AKR1B15: variants seen among roughly 807,000 people sequenced by gnomAD.
AKR1B15 encodes the protein estradiol 17-beta-dehydrogenase AKR1B15.
Under a neutral mutation model 38.5 loss-of-function variants are expected in AKR1B15, and 49 were observed. The observed-to-expected ratio is 1.27, with a 90% CI of 1.01 to 1.62. AKR1B15 has a LOEUF of 1.62. Ranked by LOEUF, AKR1B15 falls within the 40% of genes most tolerant of loss-of-function variation. The pLI is 0.00. For synonymous variants in AKR1B15, 137 were observed against 135.5 expected (o/e 1.01, Z -0.08); for missense variants, 411 against 381.6 (o/e 1.08, Z -0.64).
intron 1 of AKR1B15, among the ~76,000 whole-genome samples, chr7:134,550,878 C>T (rs113966893): frequency 8.5e-4 from 130 of 152,262 alleles, no homozygotes; most frequent in Non-Finnish European, 1.5e-3. Flanking sequence ...GGCCCCCAGA[C>T]GGGTCACTAC....
chr7:134,569,081 G>A (rs946901477), intron 4 of AKR1B15, among the ~76,000 whole-genome samples: 18 of 152,266 alleles, frequency 1.2e-4, no homozygotes, highest in East Asian at 5.8e-4. Flanking sequence ...AAAGCTACAC[G>A]CAATTCCTGC....
intron 11 of AKR1B15, 126 bp downstream of exon 11, chr7:134,577,912 T>G (rs1422830039): frequency 8.9e-7 from 1 of 1,123,718 alleles, no homozygotes; most frequent in Non-Finnish European, 1.3e-6. Flanking sequence ...GGGGCAGTTT[T>G]GAAAGTTAAA....
intron 4 of AKR1B15, among the ~76,000 whole-genome samples, chr7:134,568,917 G>C (rs1409134033): frequency 3.3e-5 from 5 of 151,854 alleles, no homozygotes; most frequent in Non-Finnish European, 7.4e-5. Flanking sequence ...CTTACATCTG[G>C]TGGGACAAAT....
intron 4 of AKR1B15, among the ~76,000 whole-genome samples, chr7:134,569,180 CTT>C (rs1794610234): frequency 6.6e-6 from 1 of 152,190 alleles, no homozygotes; most frequent in Non-Finnish European, 1.5e-5. Context: ...ATCTGAGACA[CTT>C]ATAGAGTACT....
intron 11 of AKR1B15, among the ~76,000 whole-genome samples, chr7:134,578,093 C>T (rs1023188002): frequency 1.3e-5 from 2 of 152,126 alleles, no homozygotes; most frequent in African/African-American, 4.8e-5. Flanking sequence ...ATCTGTGTGC[C>T]AGGCATTTTC....
intron 5 of AKR1B15, chr7:134,569,744 T>C (rs1028481882): frequency 1.8e-5 from 9 of 499,626 alleles, no homozygotes; most frequent in African/African-American, 1.7e-4. Flanking sequence ...TTCATGAACA[T>C]TTATCACTTC....
chr7:134,564,674 C>A lies in AKR1B15; in HGVS notation c.55C>A (p.Pro19Thr). Reference sequence around the variant, plus strand: ...CTCAACTAACAACTTCCACCAAGGACCCCTGGACCAACCCGTTGGCCCTTT... The same window carrying A: ...CTCAACTAACAACTTCCACCAAGGAACCCTGGACCAACCCGTTGGCCCTTT... ...VNSTNNFHQG[P>T]LDQPVGPLTG... The change falls in exon 3 of 12, where the codon CCC becomes ACC. Residue 19 changes from proline (P) to threonine (T), a missense_variant. Physicochemically the swap from Pro to Thr is conservative, Grantham distance 38. Around this residue, in one of 3 missense-constraint regions of AKR1B15, gnomAD observed 254 missense variants for 212.4 expected, o/e 1.20. Transcript: ENST00000457545. The A allele has an allele frequency of 1.4e-6, 1 of 699,688 alleles. No homozygotes were observed. Among genetic ancestry groups the A allele is most frequent in the South Asian group, 1.5e-5 (1 of 67,072 alleles). The allele number at this position is 699,688 out of a possible 1,614,324, so 43.3% of individuals were successfully genotyped here.
At position 134,571,590 on chromosome 7, in the gene AKR1B15, T is replaced by C; in HGVS notation, c.436-14T>C. On this transcript the variant is annotated splice_polypyrimidine_tract_variant and intron_variant, in intron 5 of 11. Coordinates refer to ENST00000457545, the MANE Select transcript of AKR1B15 (RefSeq NM_001080538.3). Reference sequence around the variant, plus strand: ...GATGCAGATTCCAGTAAACTTTTCATTCTGTATTTACAGACTGGGGATGAC... The same window carrying C: ...GATGCAGATTCCAGTAAACTTTTCACTCTGTATTTACAGACTGGGGATGAC... The C allele has an allele frequency of 6.2e-7, 1 of 1,604,980 alleles. No homozygotes were observed. Among genetic ancestry groups the C allele is most frequent in the Non-Finnish European group, 8.5e-7 (1 of 1,172,372 alleles).
chr7:134,555,962 G>C (rs1233046987), intron 1 of AKR1B15, among the ~76,000 whole-genome samples: 1 of 152,116 alleles, frequency 6.6e-6, no homozygotes, highest in African/African-American at 2.4e-5. Context: ...TCCATAGCTT[G>C]TGCTTCCCAT....
chr7:134,562,891 C>CTTTTCTTTCTTTCTTTCT (rs1562947138), intron 2 of AKR1B15, among the ~76,000 whole-genome samples: 10 of 61,082 alleles, frequency 1.6e-4, no homozygotes, highest in African/African-American at 5.5e-4. Context: ...TCTTTCTTTC[C>CTTTTCTTTCTTTCTTTCT]TTCTTTCTTC....
chr7:134,557,982 G>T (rs1032636627), intron 2 of AKR1B15, among the ~76,000 whole-genome samples: 1 of 152,012 alleles, frequency 6.6e-6, no homozygotes, highest in Non-Finnish European at 1.5e-5. Context: ...TTGAACAAAA[G>T]ACGTTGATAA....
intron 3 of AKR1B15, among the ~76,000 whole-genome samples, 191 bp from the exon 4 acceptor site, chr7:134,567,967 G>A (rs374389797): frequency 2.0e-5 from 3 of 152,130 alleles, no homozygotes; most frequent in Admixed American, 6.5e-5. Flanking sequence ...AAACTGGACC[G>A]TGTGGGGCAG....
rs575184456 is a variant in AKR1B15, at chr7:134,565,264, C to T, written c.150+495C>T. The T allele has an allele frequency of 6.2e-4, 420 of 676,888 alleles. 1 individual carries two copies. The highest frequency in any genetic ancestry group is 8.1e-4 in the South Asian group (38 of 46,806). 41.9% of individuals were successfully genotyped at this position (676,888 alleles called of 1,614,324 possible). A position where few individuals can be genotyped will look rare whatever the true frequency, so the allele number is the denominator to read the frequency against. On this transcript the variant is annotated intron_variant, in intron 3 of 11. Transcript: ENST00000457545. Reference sequence around the variant, plus strand: ...TCTGCGGCTTCATTCTTGAAGTCAGCGACACCACAAACCCACCAGAAGGGA... The same window carrying T: ...TCTGCGGCTTCATTCTTGAAGTCAGTGACACCACAAACCCACCAGAAGGGA...
chr7:134,571,556 A>C (rs1328205430), intron 5 of AKR1B15, 48 bp from the exon 6 acceptor site: 2 of 1,443,134 alleles, frequency 1.4e-6, no homozygotes, highest in African/African-American at 2.8e-5. Context: ...GAACAGAACC[A>C]AGTGTCCTGA....
chr7:134,554,582 G>C (rs148835870), intron 1 of AKR1B15, among the ~76,000 whole-genome samples: 356 of 152,294 alleles, frequency 2.3e-3, no homozygotes, highest in African/African-American at 8.1e-3. Flanking sequence ...TTGTGCCCAA[G>C]TAAACACCAA....
chr7:134,561,378 A>G (rs1794386068), intron 2 of AKR1B15, among the ~76,000 whole-genome samples: 1 of 152,156 alleles, frequency 6.6e-6, no homozygotes, highest in Non-Finnish European at 1.5e-5. Flanking sequence ...GGCTAATTTT[A>G]GGATTTTTAG....
chr7:134,568,134 A>G, intron 3 of AKR1B15, 24 bp from the exon 4 acceptor site: 2 of 1,613,604 alleles, frequency 1.2e-6, no homozygotes, highest in East Asian at 2.2e-5. Context: ...TACATGTGTG[A>G]TGGGCTTTTC....
chr7:134,561,238 G>C (rs1348064978), intron 2 of AKR1B15, among the ~76,000 whole-genome samples: 1 of 152,090 alleles, frequency 6.6e-6, no homozygotes, highest in Non-Finnish European at 1.5e-5. Flanking sequence ...TTTTGAGATG[G>C]AGTCTCTATC....
At chr7:134,562,323 G>T (rs1024263589) in intron 2 of AKR1B15, among the ~76,000 whole-genome samples, 1 of 152,204 alleles carries the variant, frequency 6.6e-6, no homozygotes, top group Non-Finnish European at 1.5e-5. Context: ...GTACCTAAGC[G>T]GGTTGCCTAA....
Sources: allele counts gnomAD v4.1 joint callset (sites outside exome capture counted in the v4.1 genomes callset), GRCh38; gene constraint gnomAD v4.1.1; regional missense constraint gnomAD v4.1.1; transcripts MANE v1.5; gene names NCBI Gene and HGNC (gene_info 2026-07-23, HGNC 2026-07-21).